Variants in WDR86 observed in about 807,000 individuals in gnomAD.
The protein encoded by WDR86 is WD repeat domain 86.
In WDR86, 30 loss-of-function variants were observed where a neutral mutation model predicts 36.5. The ratio of observed to expected loss-of-function variants is 0.82; its 90% confidence interval spans 0.61 to 1.11. The LOEUF (loss-of-function observed/expected upper bound fraction) is 1.11. WDR86 is among the 50% of genes most tolerant of loss of function. The pLI is 0.00. For synonymous variants in WDR86, 255 were observed against 252.9 expected, an observed-to-expected ratio of 1.01 and a Z score of -0.08; for missense variants, 545 against 561.2, an observed-to-expected ratio of 0.97 and a Z score of 0.29.
At chr7:151,392,767 C>T (rs1333779999) in intron 3 of WDR86, among the ~76,000 whole-genome samples, 1 of 152,184 alleles carries the variant, frequency 6.6e-6, no homozygotes, top group Non-Finnish European at 1.5e-5. Context: ...CCTTCCTTGC[C>T]CTCCCTCTTG....
intron 1 of WDR86, among the ~76,000 whole-genome samples, chr7:151,408,079 TA>T (rs1404888329): frequency 6.6e-6 from 1 of 152,152 alleles, no homozygotes; most frequent in African/African-American, 2.4e-5. Context: ...GGATGTGTGT[TA>T]GTTTGTGGCC....
intron 3 of WDR86, among the ~76,000 whole-genome samples, chr7:151,393,503 TC>T (rs1799588320): frequency 1.3e-5 from 2 of 151,970 alleles, no homozygotes; most frequent in African/African-American, 2.4e-5. Context: ...GCTGCTTTTC[TC>T]CCCCCTCCGT....
At chr7:151,394,607 C>T (rs1479784060) in intron 3 of WDR86, among the ~76,000 whole-genome samples, 5 of 152,232 alleles carry the variant, frequency 3.3e-5, no homozygotes, top group South Asian at 2.1e-4. Flanking sequence ...ACAGGTCCTC[C>T]GGCCAGGCAC....
chr7:151,392,509 G>T (rs1014632922), intron 3 of WDR86, among the ~76,000 whole-genome samples: 1 of 152,150 alleles, frequency 6.6e-6, no homozygotes, highest in African/African-American at 2.4e-5. Context: ...CCCCCTACCC[G>T]GGGGGTGGGC....
chr7:151,381,462 C>T lies in WDR86; in HGVS notation c.*120G>A. 6.7e-7 allele frequency: 1 copy of T among 1,489,466 alleles called. No individual in the cohort carries two copies. The allele number at this position is 1,489,466 out of a possible 1,614,324, so 92.3% of individuals were successfully genotyped here. A position where few individuals can be genotyped will look rare whatever the true frequency, so the allele number is the denominator to read the frequency against. On this transcript the variant is annotated 3_prime_UTR_variant, in exon 6 of 6. Coordinates refer to ENST00000334493, the MANE Select transcript of WDR86 (RefSeq NM_198285.3). This position sits in a 1 kb window ranked among gnomAD's most constrained non-coding sequence, Gnocchi z 4.8. ...CGCCTGCGACGGGCTCTCCTCCCGC[C>T]CGGGCTTCCTCGCTCCTCGCCCCTC...
chr7:151,402,064 A>ATAT (rs1345021153), intron 1 of WDR86, among the ~76,000 whole-genome samples: 6 of 71,432 alleles, frequency 8.4e-5, no homozygotes, highest in African/African-American at 4.0e-4. Context: ...AAAAAAAAAA[A>ATAT]AAAAAAATAT....
At chr7:151,371,224 C>A (rs1797941895), downstream of WDR86, among the ~76,000 whole-genome samples, 1 of 152,188 alleles carries the variant, frequency 6.6e-6, no homozygotes, top group African/African-American at 2.4e-5. Flanking sequence ...ATGGCCTAAA[C>A]ATCAAAACAA....
In WDR86 at chr7:151,390,242, G is replaced by T. The variant is rs1232655218; in HGVS notation, c.727-5019C>A. On this transcript the variant is annotated intron_variant, in intron 3 of 5. Transcript: ENST00000334493. This position sits in a 1 kb window ranked among gnomAD's most constrained non-coding sequence, Gnocchi z 4.5. The stretch of plus-strand genomic sequence containing the variant: ...AAAAGTCCCTGGTTCAGCCCTCAAC[G>T]ACAGAGCTCTCCCCGTGAAAACAGA... 1.3e-5 allele frequency among the ~76,000 whole-genome samples: 2 copies of T among 152,138 alleles called. No homozygotes were observed. The highest frequency in any genetic ancestry group is 3.9e-4 in the East Asian group (2 of 5,184).
chr7:151,410,390 A>G (rs1339891775), upstream of WDR86: 1 of 152,276 alleles, frequency 6.6e-6, no homozygotes, highest in African/African-American at 2.4e-5. Flanking sequence ...AGGTCCTCCC[A>G]TGCTCTGAGC....
At chr7:151,393,369 G>T (rs1799578037) in intron 3 of WDR86, among the ~76,000 whole-genome samples, 1 of 152,136 alleles carries the variant, frequency 6.6e-6, no homozygotes, top group South Asian at 2.1e-4. Flanking sequence ...CTCTCTGCCA[G>T]GACACCCTAC....
At chr7:151,400,072 C>G (rs763631830) in intron 2 of WDR86, 28 bp downstream of exon 2, 1 of 1,527,296 alleles carries the variant, frequency 6.5e-7, no homozygotes, top group Admixed American at 1.9e-5. Flanking sequence ...TATGGTGAGA[C>G]TCAGCCCAAG....
At position 151,396,151 on chromosome 7, in the gene WDR86, C is replaced by T. The variant is rs1206775830; in HGVS notation, c.351G>A (p.Arg117=). ...NNQLFSSSYD[R]TARVWSVDKG... ...TGTCCACACTCCAGACCCGAGCTGT[C>T]CGGTCATAGGAGCTGCTGAAGAGCT... Residue 117 remains arginine, a synonymous_variant, in exon 3 of 6, where the codon CGG becomes CGA. Transcript: ENST00000334493. 1 of 1,612,966 alleles carries T rather than the reference C, an allele frequency of 6.2e-7. No homozygotes were observed. The highest frequency in any genetic ancestry group is 8.5e-7 in the Non-Finnish European group (1 of 1,179,888).
chr7:151,386,509 G>C (rs549856886), intron 3 of WDR86, among the ~76,000 whole-genome samples: 2 of 152,216 alleles, frequency 1.3e-5, no homozygotes, highest in South Asian at 2.1e-4. Context: ...CCCCAGCCCA[G>C]GCAGCCTCCC....
chr7:151,377,367 C>T (rs1419871831), downstream of WDR86: 1 of 584,026 alleles, frequency 1.7e-6, no homozygotes, highest in Non-Finnish European at 2.9e-6. Flanking sequence ...GGGACAAGTC[C>T]AGGAGGGGTC....
chr7:151,374,022 C>G, downstream of WDR86: 1 of 1,453,478 alleles, frequency 6.9e-7, no homozygotes, highest in Non-Finnish European at 9.2e-7. Flanking sequence ...TGCGGAGAAT[C>G]CTGCAGAGCG....
intron 4 of WDR86, among the ~76,000 whole-genome samples, chr7:151,383,318 A>G (rs1181924255): frequency 1.3e-5 from 2 of 152,006 alleles, no homozygotes; most frequent in Non-Finnish European, 1.5e-5. Flanking sequence ...TACTAAAAAT[A>G]CAAAAATTAG....
Position 151,400,113 on chromosome 7 carries a change from A to T in WDR86, c.292T>A (p.Ser98Thr). ...AGCCAGGCTGACCTGTTCACGATGG[A>T]CGTGTGTCCTCGGTACACCTGCAGA... ...QCLQVYRGHT[S>T]IVNRILVANN... Residue 98 changes from serine to threonine, a missense_variant, in exon 2 of 6, where the codon TCC becomes ACC. By Grantham distance (58) the Ser-to-Thr change is moderately conservative. Coordinates refer to ENST00000334493, the MANE Select transcript of WDR86 (RefSeq NM_198285.3). The T allele has an allele frequency of 1.9e-6, 3 of 1,601,368 alleles. No homozygotes were observed. Among genetic ancestry groups the T allele is most frequent in the Non-Finnish European group, 2.6e-6 (3 of 1,173,506 alleles).
At chr7:151,402,951 A>C (rs1800447290) in intron 1 of WDR86, among the ~76,000 whole-genome samples, 1 of 152,168 alleles carries the variant, frequency 6.6e-6, no homozygotes, top group African/African-American at 2.4e-5. Context: ...AGTTGCCCCC[A>C]ATACCCATCA....
At chr7:151,389,831 G>A (rs1799286535) in intron 3 of WDR86, among the ~76,000 whole-genome samples, 1 of 152,216 alleles carries the variant, frequency 6.6e-6, no homozygotes, top group South Asian at 2.1e-4. Context: ...ACTGCATGCC[G>A]AGAGCAGAGA....
Sources: allele counts gnomAD v4.1 joint callset (sites outside exome capture counted in the v4.1 genomes callset), GRCh38; gene constraint gnomAD v4.1.1; non-coding constraint Gnocchi (gnomAD v3.1); transcripts MANE v1.5; gene names NCBI Gene and HGNC (gene_info 2026-07-23, HGNC 2026-07-21).